Variants in HHAT observed in about 807,000 individuals in gnomAD.
HHAT encodes the protein hedgehog acyltransferase.
In HHAT, 47 loss-of-function variants were observed where a neutral mutation model predicts 70.8. The observed-to-expected ratio is 0.66, with a 90% CI of 0.53 to 0.85. The LOEUF is 0.85. Among genes scored for constraint, HHAT ranks in the 40% least tolerant of loss-of-function variants. The pLI, the probability that HHAT is intolerant of heterozygous loss-of-function variation, is 0.00. For synonymous variants in HHAT, 228 were observed against 247.6 expected, an observed-to-expected ratio of 0.92 and a Z score of 0.74; for missense variants, 609 against 604.8, an observed-to-expected ratio of 1.01 and a Z score of -0.07.
chr1:210,457,721 A>G (rs1271486663), intron 7 of HHAT, among the ~76,000 whole-genome samples: 2 of 152,202 alleles, frequency 1.3e-5, no homozygotes, highest in Non-Finnish European at 2.9e-5. Flanking sequence ...TTCATGAGGC[A>G]GTTGGTGAGT....
intron 1 of HHAT, among the ~76,000 whole-genome samples, chr1:210,340,250 A>AAAGAAAAAAAAAAG (rs2085913482): frequency 2.2e-5 from 3 of 138,332 alleles, no homozygotes; most frequent in African/African-American, 5.6e-5. Flanking sequence ...CAGAAAAAAA[A>AAAGAAAAAAAAAAG]AAAAAAAAAA....
In HHAT at chr1:210,666,127, T is replaced by TTA. The variant is rs1221988884; in HGVS notation, c.1391-8160_1391-8159dup. On this transcript the variant is annotated intron_variant, in intron 11 of 11. Transcript: ENST00000261458. Reference sequence around the variant, plus strand: ...GGATGTGGTCTTTGAAACAGCCCTGTTAGAGACAAGATGGTGGTCACAGAC... The same window carrying TTA: ...GGATGTGGTCTTTGAAACAGCCCTGTTATAGAGACAAGATGGTGGTCACAGAC... Among the ~76,000 whole-genome samples the TTA allele has an allele frequency of 2.0e-5, 3 of 152,322 alleles. No homozygotes were observed. In the East Asian group the frequency reaches 5.8e-4, roughly 29 times the overall value.
intron 3 of HHAT, among the ~76,000 whole-genome samples, chr1:210,374,993 G>C (rs1385894693): frequency 6.6e-6 from 1 of 151,450 alleles, no homozygotes; most frequent in Non-Finnish European, 1.5e-5. Context: ...GAACCTGATG[G>C]TTAGCTCCCC....
intron 11 of HHAT, among the ~76,000 whole-genome samples, chr1:210,672,973 A>G (rs1181941190): frequency 6.6e-6 from 1 of 152,182 alleles, no homozygotes; most frequent in Non-Finnish European, 1.5e-5. Flanking sequence ...GTAAATGCCT[A>G]CATTTCACAG....
At chr1:210,520,034 G>T (rs1460014478) in intron 9 of HHAT, among the ~76,000 whole-genome samples, 4 of 71,562 alleles carry the variant, frequency 5.6e-5, no homozygotes, top group Admixed American at 4.6e-4. Context: ...TTGTTTTTTT[G>T]AGACGGAGTC....
intron 8 of HHAT, among the ~76,000 whole-genome samples, chr1:210,509,523 A>G (rs2094918547): frequency 6.6e-6 from 1 of 152,192 alleles, no homozygotes; most frequent in Non-Finnish European, 1.5e-5. Context: ...ACAATCACTT[A>G]ACCTCTCTAT....
chr1:210,345,438 A>AT (rs1463857223), intron 1 of HHAT, among the ~76,000 whole-genome samples: 1 of 152,198 alleles, frequency 6.6e-6, no homozygotes, highest in Non-Finnish European at 1.5e-5. Flanking sequence ...GCTCCTTATA[A>AT]TTTTTGCTTT....
At chr1:210,617,871 T>G (rs1668056384) in intron 10 of HHAT, among the ~76,000 whole-genome samples, 1 of 152,218 alleles carries the variant, frequency 6.6e-6, no homozygotes, top group African/African-American at 2.4e-5. Context: ...GAGGAGGTAT[T>G]GCTTTCAAAG....
At chr1:210,458,899 A>G (rs973491781) in intron 7 of HHAT, among the ~76,000 whole-genome samples, 3 of 152,160 alleles carry the variant, frequency 2.0e-5, no homozygotes, top group Non-Finnish European at 4.4e-5. Context: ...CTGGGTAGGT[A>G]TGTATGTCAA....
intron 9 of HHAT, among the ~76,000 whole-genome samples, chr1:210,543,664 CAT>C (rs1214297815): frequency 6.6e-6 from 1 of 152,116 alleles, no homozygotes; most frequent in Non-Finnish European, 1.5e-5. Context: ...TCTTTGAATT[CAT>C]TTTTGGGGCT....
At chr1:210,566,456 G>T (rs993319814) in intron 9 of HHAT, among the ~76,000 whole-genome samples, 1 of 152,000 alleles carries the variant, frequency 6.6e-6, no homozygotes, top group Non-Finnish European at 1.5e-5. Context: ...TCTTGTTTTT[G>T]TTCCCAAAAG....
At chr1:210,660,781 G>A (rs1677520701) in intron 11 of HHAT, among the ~76,000 whole-genome samples, 1 of 152,032 alleles carries the variant, frequency 6.6e-6, no homozygotes, top group Non-Finnish European at 1.5e-5. Flanking sequence ...ACCATCTGAT[G>A]TTTGACAAAC....
chr1:210,526,247 G>C (rs1259706499), intron 9 of HHAT, among the ~76,000 whole-genome samples: 1 of 152,178 alleles, frequency 6.6e-6, no homozygotes, highest in African/African-American at 2.4e-5. Context: ...CACTGGAGCA[G>C]TGGTGGTGTA....
chr1:210,548,906 ACC>A lies in HHAT; in HGVS notation c.1043+35720_1043+35721del, dbSNP rs371485142. Among the ~76,000 whole-genome samples, 50 of 152,298 alleles carry A rather than the reference ACC, an allele frequency of 3.3e-4. No homozygotes were observed. The East Asian group carries it at 9.3e-3, about 28-fold the overall frequency. On this transcript the variant is annotated intron_variant, in intron 9 of 11. Transcript: ENST00000261458. ...ATTGCTGTTACCTAATGCCTAATAG[ACC>A]CTGCTCACTGGGGGAAAAGTATTCT...
At chr1:210,493,426 C>T (rs748602935) in intron 8 of HHAT, among the ~76,000 whole-genome samples, 3 of 152,152 alleles carry the variant, frequency 2.0e-5, no homozygotes, top group Non-Finnish European at 2.9e-5. Context: ...GGTCTTTTCT[C>T]TTAAGGCCTT....
intron 9 of HHAT, among the ~76,000 whole-genome samples, chr1:210,534,545 G>A (rs1222697253): frequency 6.6e-6 from 1 of 152,022 alleles, no homozygotes; most frequent in Non-Finnish European, 1.5e-5. Context: ...TCAGAATTTG[G>A]AATATTTGCA....
At chr1:210,595,062 G>C (rs1203975766) in intron 10 of HHAT, among the ~76,000 whole-genome samples, 2 of 151,926 alleles carry the variant, frequency 1.3e-5, no homozygotes, top group East Asian at 3.9e-4. Flanking sequence ...TGTGCTGCAT[G>C]CATTAACTCA....
At chr1:210,427,531 T>G (rs781715360) in intron 7 of HHAT, among the ~76,000 whole-genome samples, 11 of 152,198 alleles carry the variant, frequency 7.2e-5, no homozygotes, top group Non-Finnish European at 1.5e-4. Context: ...TGAAAGAACT[T>G]GCTAATTTTT....
At chr1:210,558,602 T>C (rs1450919568) in intron 9 of HHAT, among the ~76,000 whole-genome samples, 1 of 152,240 alleles carries the variant, frequency 6.6e-6, no homozygotes, top group East Asian at 1.9e-4. Context: ...AACTTTTTTC[T>C]TGCTGCTTTC....
Sources: gnomAD v4.1 joint callset for allele counts (sites outside exome capture counted in the v4.1 genomes callset) on GRCh38, gnomAD v4.1.1 for gene constraint, MANE v1.5 for transcripts, NCBI Gene and HGNC (gene_info 2026-07-23, HGNC 2026-07-21) for gene names.